CYP51A1: variants seen among roughly 807,000 people sequenced by gnomAD.
CYP51A1 encodes the protein lanosterol 14-alpha demethylase.
A neutral mutation model predicts 53.5 loss-of-function variants in CYP51A1; 45 were observed. That is an observed-to-expected ratio of 0.84 (90% confidence interval 0.66 to 1.08). CYP51A1 has a LOEUF of 1.08. Among genes scored for constraint, CYP51A1 ranks in the 50% least tolerant of loss-of-function variants. CYP51A1 has a pLI of 0.00. For missense variants in CYP51A1, 462 were observed against 621.7 expected, an observed-to-expected ratio of 0.74 and a Z score of 2.73; for synonymous variants, 181 against 217.7, an observed-to-expected ratio of 0.83 and a Z score of 1.48.
At chr7:92,133,010 A>C (rs1422672268) in intron 1 of CYP51A1, among the ~76,000 whole-genome samples, 1 of 152,224 alleles carries the variant, frequency 6.6e-6, no homozygotes, top group Non-Finnish European at 1.5e-5. Flanking sequence ...CTTCCCAGAG[A>C]CAAATATCAT....
At chr7:92,122,307 T>A (rs758302294) in intron 7 of CYP51A1, among the ~76,000 whole-genome samples, 2 of 151,182 alleles carry the variant, frequency 1.3e-5, no homozygotes, top group Non-Finnish European at 2.9e-5. Flanking sequence ...CACAAACTCT[T>A]CCAAAAATTA....
intron 3 of CYP51A1, 122 bp downstream of exon 3, chr7:92,128,758 G>A (rs935916647): frequency 6.8e-6 from 6 of 888,568 alleles, no homozygotes; most frequent in Non-Finnish European, 1.0e-5. Flanking sequence ...CAAAGTGCTG[G>A]GATTACAGGA....
At position 92,125,630 on chromosome 7, in the gene CYP51A1, G is replaced by C. The variant is rs370667785; in HGVS notation, c.770+623C>G. ...CACCAAAGATTTCAAACAAGTGCTAGAGAAGAGCTGTATCACTTTTAGGTA... is the reference window on the plus strand; with the variant it reads ...CACCAAAGATTTCAAACAAGTGCTACAGAAGAGCTGTATCACTTTTAGGTA... On this transcript the variant is annotated intron_variant, in intron 5 of 9. Coordinates refer to ENST00000003100, the MANE Select transcript of CYP51A1 (RefSeq NM_000786.4). Among the ~76,000 whole-genome samples, 119 of 152,344 alleles carry C rather than the reference G, an allele frequency of 7.8e-4. 3 individuals carry two copies. In the South Asian group the frequency reaches 0.024, roughly 31 times the overall value.
At chr7:92,117,020 C>G (rs1819591977) in intron 9 of CYP51A1, 24 bp downstream of exon 9, 1 of 1,575,086 alleles carries the variant, frequency 6.3e-7, no homozygotes, top group African/African-American at 1.4e-5. Flanking sequence ...CAAACATTTC[C>G]AATCTAAAAT....
chr7:92,126,124 G>A (rs1398212501), intron 5 of CYP51A1, 129 bp downstream of exon 5: 1 of 579,210 alleles, frequency 1.7e-6, no homozygotes, highest in Non-Finnish European at 2.8e-6. Context: ...GAAGAAAGGG[G>A]ATTCATAATC....
intron 3 of CYP51A1, 147 bp downstream of exon 3, chr7:92,128,732 AC>A: frequency 1.7e-6 from 1 of 604,926 alleles, no homozygotes; most frequent in South Asian, 2.5e-5. Context: ...TGAGTGATCC[AC>A]CCACCTTGGC....
rs1041775799 is a variant in CYP51A1 at position 92,113,928 on chromosome 7, T to G, written c.1352-85A>C. 11 of 798,958 alleles carry G rather than the reference T, an allele frequency of 1.4e-5. No individual in the cohort carries two copies. In the African/African-American group the frequency reaches 1.6e-4, roughly 11 times the overall value. The allele number at this position is 798,958 out of a possible 1,614,324, so 49.5% of individuals were successfully genotyped here. ...GGGGTGATATTATCTACATTTTAGA[T>G]GAACAGCAAATGTACAGATAATATA... On this transcript the variant is annotated intron_variant, in intron 9 of 9. Coordinates refer to ENST00000003100, the MANE Select transcript of CYP51A1 (RefSeq NM_000786.4).
At chr7:92,120,337 A>G (rs1424610004) in intron 7 of CYP51A1, among the ~76,000 whole-genome samples, 1 of 152,208 alleles carries the variant, frequency 6.6e-6, no homozygotes, top group Non-Finnish European at 1.5e-5. Context: ...GAGGACTCAC[A>G]CTCCCGAATT....
chr7:92,128,878 A>G lies in CYP51A1; in HGVS notation c.468+2T>C. ...TTTATTTATGGTAACAGTGTCACCT[A>G]CTGGATTAGGCACATCGTATGCAAC... On this transcript the variant is annotated splice_donor_variant, in intron 3 of 9. Transcript: ENST00000003100. LOFTEE classifies it high-confidence loss of function. 1.2e-6 allele frequency: 2 copies of G among 1,608,642 alleles called. No homozygotes were observed. Among genetic ancestry groups the G allele is most frequent in the South Asian group, 1.1e-5 (1 of 90,444 alleles).
At chr7:92,115,301 T>C (rs955394628) in intron 9 of CYP51A1, among the ~76,000 whole-genome samples, 2 of 152,214 alleles carry the variant, frequency 1.3e-5, no homozygotes, top group African/African-American at 2.4e-5. Flanking sequence ...AATTGGGAAA[T>C]AGGATCTTTA....
At chr7:92,116,255 A>G (rs957353633) in intron 9 of CYP51A1, among the ~76,000 whole-genome samples, 1 of 152,190 alleles carries the variant, frequency 6.6e-6, no homozygotes, top group Non-Finnish European at 1.5e-5. Context: ...ACTGGGTGAC[A>G]GAGCAAGACT....
At chr7:92,119,876 A>G (rs1397813832) in intron 7 of CYP51A1, among the ~76,000 whole-genome samples, 1 of 152,184 alleles carries the variant, frequency 6.6e-6, no homozygotes, top group Non-Finnish European at 1.5e-5. Flanking sequence ...ATATGCCTAG[A>G]TATCTCTAGT....
At chr7:92,116,208 T>G (rs1819577229) in intron 9 of CYP51A1, among the ~76,000 whole-genome samples, 2 of 152,086 alleles carry the variant, frequency 1.3e-5, no homozygotes, top group Admixed American at 6.5e-5. Flanking sequence ...GAGGTGGAGG[T>G]TGCAGTGAGC....
rs1397040817 is a variant in CYP51A1, at chr7:92,123,272, T to C, written c.934A>G (p.Ile312Val). Residue 312 changes from isoleucine to valine, a missense_variant, in exon 7 of 10, where the codon ATT becomes GTT. By Grantham distance (29) the Ile-to-Val change is conservative. Coordinates refer to ENST00000003100, the MANE Select transcript of CYP51A1 (RefSeq NM_000786.4). ...TGCTGCCCTGCCAAGAGTAATCCAA[T>C]AAGCATCCCTGCTACTTCATCATCA... ...LTDDEVAGML[I>V]GLLLAGQHTS... The C allele has an allele frequency of 6.2e-7, 1 of 1,613,928 alleles. No homozygotes were observed. The highest frequency in any genetic ancestry group is 1.3e-5 in the African/African-American group (1 of 74,912).
In CYP51A1 at chr7:92,112,695, T is replaced by C. The variant is rs1819437481; in HGVS notation, c.*970A>G. On this transcript the variant is annotated 3_prime_UTR_variant, in exon 10 of 10. Transcript: ENST00000003100. ...AATACAAAAAATTAGCCAGGCATGG[T>C]GGCAGGTGCCTGTAATCCCAACTAC... The C allele has an allele frequency of 6.6e-6, 1 of 152,116 alleles. No homozygotes were observed. Among genetic ancestry groups the C allele is most frequent in the African/African-American group, 2.4e-5 (1 of 41,396 alleles). The allele number at this position is 152,116 out of a possible 1,614,324, so 9.4% of individuals were successfully genotyped here.
At position 92,117,104 on chromosome 7, in the gene CYP51A1, G is replaced by A. The variant is rs757428909; in HGVS notation, c.1291C>T (p.Arg431Cys). The change falls in exon 9 of 10, where the codon CGC becomes TGC. Residue 431 changes from arginine to cysteine, a missense_variant. By Grantham distance (180) the Arg-to-Cys change is radical. Transcript: ENST00000003100. ...GATGCTGGGTTATCCTGTAAGTAGC[G>A]ATCAGGATTAAAGTCCAGGCGTTCT... ...WVERLDFNPD[R>C]YLQDNPASGE... 1.4e-5 allele frequency: 22 copies of A among 1,613,852 alleles called. No individual in the cohort carries two copies. Among genetic ancestry groups the A allele is most frequent in the African/African-American group, 5.3e-5 (4 of 74,890 alleles).
Position 92,127,628 on chromosome 7 carries a change from A to G in CYP51A1, c.472T>C (p.Phe158Leu). The G allele has an allele frequency of 6.2e-7, 1 of 1,613,632 alleles. No homozygotes were observed. The highest frequency in any genetic ancestry group is 1.3e-5 in the African/African-American group (1 of 75,036). ...TTTAACATTTTCTTCTGCTCCAAGAAAACCTTCAAAAAAATTCAAAACGGG... is the reference window on the plus strand; with the variant it reads ...TTTAACATTTTCTTCTGCTCCAAGAGAACCTTCAAAAAAATTCAAAACGGG... ...GVAYDVPNPV[F>L]LEQKKMLKSG... The change falls in exon 4 of 10, where the codon TTC (phenylalanine) becomes CTC (leucine). Residue 158 changes from phenylalanine to leucine, a missense_variant. Coordinates refer to ENST00000003100, the MANE Select transcript of CYP51A1 (RefSeq NM_000786.4).
chr7:92,123,084 C>A lies in CYP51A1; in HGVS notation c.1086+36G>T. ...AAAATTAGCCACAGATCCTCAAAGTCATAAGGCAGCAATGAAACTGAAAAA... is the reference window on the plus strand; with the variant it reads ...AAAATTAGCCACAGATCCTCAAAGTAATAAGGCAGCAATGAAACTGAAAAA... On this transcript the variant is annotated intron_variant, in intron 7 of 9. Coordinates refer to ENST00000003100, the MANE Select transcript of CYP51A1 (RefSeq NM_000786.4). 2.0e-6 allele frequency: 3 copies of A among 1,532,512 alleles called. No homozygotes were observed. In the South Asian group the frequency reaches 3.5e-5, roughly 18 times the overall value. The allele number at this position is 1,532,512 out of a possible 1,614,324, so 94.9% of individuals were successfully genotyped here. A position where few individuals can be genotyped will look rare whatever the true frequency, so the allele number is the denominator to read the frequency against.
intron 7 of CYP51A1, 104 bp downstream of exon 7, chr7:92,123,016 A>G (rs1584633919): frequency 1.2e-6 from 1 of 832,048 alleles, no homozygotes; most frequent in East Asian, 2.6e-5. Flanking sequence ...AAGCTGATCA[A>G]TTTAAGCTAT....
Sources: allele counts gnomAD v4.1 joint callset (sites outside exome capture counted in the v4.1 genomes callset), GRCh38; gene constraint gnomAD v4.1.1; transcripts MANE v1.5; gene names NCBI Gene and HGNC (gene_info 2026-07-23, HGNC 2026-07-21).